PARD3: variants seen among roughly 807,000 people sequenced by gnomAD.
PARD3 encodes partitioning defective 3 homolog.
PARD3 carries 75 observed loss-of-function variants against 155.4 expected under a neutral mutation model. The ratio of observed to expected loss-of-function variants is 0.48; its 90% CI spans 0.40 to 0.58. PARD3 has a LOEUF of 0.58. PARD3 is among the 20% of genes least tolerant of loss of function. The pLI is 0.00. For missense variants in PARD3, 1,642 were observed against 1,721.7 expected (o/e 0.95, Z 0.82); for synonymous variants, 576 against 610.5 (o/e 0.94, Z 0.83).
At chr10:34,620,849 A>G (rs1035348876) in intron 2 of PARD3, among the ~76,000 whole-genome samples, 2 of 152,244 alleles carry the variant, frequency 1.3e-5, no homozygotes, top group Non-Finnish European at 2.9e-5. Context: ...AGGCCAATAA[A>G]GAAAAAAGAA....
intron 3 of PARD3, among the ~76,000 whole-genome samples, chr10:34,511,939 C>T (rs1039149499): frequency 2.6e-5 from 4 of 152,178 alleles, no homozygotes; most frequent in African/African-American, 7.2e-5. Flanking sequence ...ATTACCAGCC[C>T]GGGCTGTTAA....
intron 12 of PARD3, among the ~76,000 whole-genome samples, chr10:34,364,702 G>A (rs1839800436): frequency 6.6e-6 from 1 of 152,134 alleles, no homozygotes; most frequent in Non-Finnish European, 1.5e-5. Flanking sequence ...CCAATATGCT[G>A]GGATTATAGG....
intron 19 of PARD3, among the ~76,000 whole-genome samples, chr10:34,324,325 T>C (rs1958554469): frequency 6.6e-6 from 1 of 152,210 alleles, no homozygotes; most frequent in South Asian, 2.1e-4. Flanking sequence ...GTTAAAAAAA[T>C]AATTTATACT....
chr10:34,483,975 T>G (rs1246624502), intron 3 of PARD3, among the ~76,000 whole-genome samples: 2 of 152,184 alleles, frequency 1.3e-5, no homozygotes, highest in Admixed American at 6.5e-5. Context: ...AAAGCTTACC[T>G]AATAATATAT....
intron 5 of PARD3, among the ~76,000 whole-genome samples, chr10:34,438,093 C>T (rs1426994150): frequency 6.6e-6 from 1 of 152,146 alleles, no homozygotes; most frequent in Admixed American, 6.5e-5. Flanking sequence ...GTGTGATCAG[C>T]GGTGATACAG....
At chr10:34,313,460 C>T (rs934107833) in intron 20 of PARD3, among the ~76,000 whole-genome samples, 15 of 152,128 alleles carry the variant, frequency 9.9e-5, no homozygotes, top group African/African-American at 2.4e-4. Flanking sequence ...TGCATTAAGG[C>T]GGCTTTTGTA....
At chr10:34,615,045 G>C (rs2091160543) in intron 2 of PARD3, among the ~76,000 whole-genome samples, 1 of 151,952 alleles carries the variant, frequency 6.6e-6, no homozygotes, top group Admixed American at 6.5e-5. Flanking sequence ...GCCAGGCGTT[G>C]TGGCGGGTGC....
At chr10:34,624,827 C>A (rs1001193467) in intron 2 of PARD3, among the ~76,000 whole-genome samples, 5 of 152,350 alleles carry the variant, frequency 3.3e-5, no homozygotes, top group African/African-American at 1.2e-4. Context: ...CCCACTGCAG[C>A]AAGACAAGGC....
At position 34,500,970 on chromosome 10, in the gene PARD3, ATTACTT is replaced by A. The variant is rs1433817016; in HGVS notation, c.403+16003_403+16008del. Among the ~76,000 whole-genome samples the A allele has an allele frequency of 2.6e-5, 4 of 152,304 alleles. No individual in the cohort carries two copies. In the East Asian group the frequency reaches 5.8e-4, roughly 22 times the overall value. ...ATCTACAGCACTAAAAAATTACTAT[ATTACTT>A]TTAATTGTGCAAAAGAGTTAAAAAT... On this transcript the variant is annotated intron_variant, in intron 3 of 24. Transcript: ENST00000374788.
At chr10:34,710,704 C>A (rs1354528799) in intron 1 of PARD3, among the ~76,000 whole-genome samples, 1 of 152,170 alleles carries the variant, frequency 6.6e-6, no homozygotes, top group African/African-American at 2.4e-5. Flanking sequence ...TTGTTCTGTT[C>A]ACTGATAAAC....
At chr10:34,489,199 G>A (rs1451334320) in intron 3 of PARD3, among the ~76,000 whole-genome samples, 1 of 152,126 alleles carries the variant, frequency 6.6e-6, no homozygotes, top group Non-Finnish European at 1.5e-5. Flanking sequence ...TTAGTTGGGC[G>A]TGGTGGTGCA....
At chr10:34,425,086 CT>C (rs1344647708) in intron 5 of PARD3, among the ~76,000 whole-genome samples, 145 of 149,192 alleles carry the variant, frequency 9.7e-4, no homozygotes, top group Middle Eastern at 7.0e-3. Flanking sequence ...ACCAAGACCA[CT>C]TTTTTTTTTA....
intron 12 of PARD3, among the ~76,000 whole-genome samples, chr10:34,364,434 C>CTT (rs1554839554): frequency 7.8e-6 from 1 of 127,752 alleles, no homozygotes; most frequent in African/African-American, 2.6e-5. Context: ...ACAGAATTAT[C>CTT]TTTTTTTTTT....
At chr10:34,343,314 A>C (rs998091168) in intron 15 of PARD3, 1 of 952,160 alleles carries the variant, frequency 1.1e-6, no homozygotes, top group African/African-American at 1.8e-5. Context: ...ACAAAACTAA[A>C]ACTTCTGGTT....
chr10:34,666,796 A>AAAATAT (rs1358640964), intron 2 of PARD3, among the ~76,000 whole-genome samples: 12 of 66,954 alleles, frequency 1.8e-4, no homozygotes, highest in African/African-American at 7.3e-4. Flanking sequence ...AAAAAAAAAA[A>AAAATAT]ATATATATAT....
chr10:34,128,616 C>T (rs560450764), intron 23 of PARD3, among the ~76,000 whole-genome samples: 8 of 152,222 alleles, frequency 5.3e-5, no homozygotes, highest in African/African-American at 1.9e-4. Flanking sequence ...CTCCAACCCC[C>T]ATGTTGTTTA....
intron 19 of PARD3, among the ~76,000 whole-genome samples, chr10:34,323,345 C>CCA (rs1490910824): frequency 6.6e-6 from 1 of 151,916 alleles, no homozygotes; most frequent in African/African-American, 2.4e-5. Context: ...AAAAAGGAAA[C>CCA]CACACACACA....
At chr10:34,539,134 C>A (rs535337914) in intron 2 of PARD3, among the ~76,000 whole-genome samples, 34 of 152,244 alleles carry the variant, frequency 2.2e-4, no homozygotes, top group African/African-American at 7.0e-4. Flanking sequence ...GGTGTTACAT[C>A]TTATGACACA....
chr10:34,395,564 G>A lies in PARD3; in HGVS notation c.890+3766C>T, dbSNP rs942067145. ...TCAAGAAAAACATCATCGGCCGGGCGCGGTGGCTCACGCCTGTAATCCCAG... is the reference window on the plus strand; with the variant it reads ...TCAAGAAAAACATCATCGGCCGGGCACGGTGGCTCACGCCTGTAATCCCAG... On this transcript the variant is annotated intron_variant, in intron 7 of 24. Transcript: ENST00000374788. Among the ~76,000 whole-genome samples, 39 of 92,450 alleles carry A rather than the reference G, an allele frequency of 4.2e-4. 12 individuals carry two copies. Among genetic ancestry groups the A allele is most frequent in the Non-Finnish European group, 6.1e-4 (32 of 52,050 alleles). 60.7% of individuals were successfully genotyped at this position (92,450 alleles called of 152,430 possible). A position where few individuals can be genotyped will look rare whatever the true frequency, so the allele number is the denominator to read the frequency against.
Sources: allele counts gnomAD v4.1 joint callset (sites outside exome capture counted in the v4.1 genomes callset), GRCh38; gene constraint gnomAD v4.1.1; transcripts MANE v1.5; gene names NCBI Gene and HGNC (gene_info 2026-07-23, HGNC 2026-07-21).